Variants in EFCAB14 observed in about 807,000 individuals in gnomAD.
EFCAB14 encodes the protein EF-hand calcium binding domain 14.
In EFCAB14, 43 loss-of-function variants were observed where a neutral mutation model predicts 56.5. That is an observed-to-expected ratio of 0.76 (90% CI 0.60 to 0.98). The LOEUF is 0.98. Ranked by LOEUF, EFCAB14 falls within the 50% of genes least tolerant of loss-of-function variation. The pLI is 0.00. For missense variants in EFCAB14, 538 were observed against 580.3 expected, an observed-to-expected ratio of 0.93 and a Z score of 0.75; for synonymous variants, 235 against 212.9, an observed-to-expected ratio of 1.10 and a Z score of -0.90.
rs374663173 is a variant in EFCAB14 at position 46,678,000 on chromosome 1, T to TTTC, written c.*458_*460dup. ...ACTTTCCACACAATATGCACAATGC[T>TTTC]TTCTTTCATTTAAATATTTACAAAC... is the stretch of plus-strand genomic sequence containing the variant. On this transcript the variant is annotated 3_prime_UTR_variant, in exon 11 of 11. Transcript: ENST00000371933. 4.6e-3 allele frequency: 708 copies of TTTC among 155,000 alleles called. 6 individuals carry two copies. The highest frequency in any genetic ancestry group is 0.016 in the African/African-American group (682 of 41,606). The allele number at this position is 155,000 out of a possible 1,614,324, so 9.6% of individuals were successfully genotyped here. A position where few individuals can be genotyped will look rare whatever the true frequency, so the allele number is the denominator to read the frequency against.
At chr1:46,714,315 A>G (rs934552111) in intron 2 of EFCAB14, among the ~76,000 whole-genome samples, 6 of 152,148 alleles carry the variant, frequency 3.9e-5, no homozygotes, top group African/African-American at 1.2e-4. Context: ...CCTTGTGGTC[A>G]GTTTCCTGGT....
At chr1:46,703,760 C>G (rs1162702123) in intron 3 of EFCAB14, among the ~76,000 whole-genome samples, 2 of 152,180 alleles carry the variant, frequency 1.3e-5, no homozygotes, top group African/African-American at 4.8e-5. Context: ...AAGAAGGCAG[C>G]ATGTCACCTT....
rs11809409 is a variant in EFCAB14, at chr1:46,709,975, C to T, written c.335-1924G>A. ...CGCACTCCAGCCTGTGCGGCCGGAG[C>T]GAGACTCCATCTCAAAAACAAACAA... On this transcript the variant is annotated intron_variant, in intron 2 of 10. Transcript: ENST00000371933. Among the ~76,000 whole-genome samples the T allele has an allele frequency of 5.9e-3, 896 of 152,032 alleles. 5 individuals are homozygous for T. Among genetic ancestry groups the T allele is most frequent in the African/African-American group, 0.021 (861 of 41,474 alleles).
At position 46,676,616 on chromosome 1, in the gene EFCAB14, G is replaced by A. The variant is rs1008865054; in HGVS notation, c.*1845C>T. 2.0e-5 allele frequency: 3 copies of A among 152,512 alleles called. No individual in the cohort carries two copies. The highest frequency in any genetic ancestry group is 7.2e-5 in the African/African-American group (3 of 41,406). 9.4% of individuals were successfully genotyped at this position (152,512 alleles called of 1,614,324 possible). A position where few individuals can be genotyped will look rare whatever the true frequency, so the allele number is the denominator to read the frequency against. ...TTTGGTTGTTAGAAAATCTGTAAGG[G>A]TGTATATATATTAAAAAAAGGTGTG... On this transcript the variant is annotated 3_prime_UTR_variant, in exon 11 of 11. Transcript: ENST00000371933.
chr1:46,688,362 G>C lies in EFCAB14; in HGVS notation c.978C>G (p.Ser326=). 1 of 1,613,656 alleles carries C rather than the reference G, an allele frequency of 6.2e-7. No homozygotes were observed. The highest frequency in any genetic ancestry group is 2.2e-5 in the East Asian group (1 of 44,874). The change falls in exon 7 of 11, where the codon TCC becomes TCG. Residue 326 remains serine, a synonymous_variant. Transcript: ENST00000371933. ...ATCAGAAAAGGCTTACCATGCTGAA[G>C]GACAGGTTTGCTTTCTTTTCTACCT... is the stretch of plus-strand genomic sequence containing the variant. ...MSKVEKKANL[S]FSMMGDRSAT...
At chr1:46,686,924 T>C in intron 7 of EFCAB14, 54 bp from the exon 8 acceptor site, 18 of 1,549,362 alleles carry the variant, frequency 1.2e-5, no homozygotes, top group Non-Finnish European at 1.6e-5. Context: ...AGGCAAACAT[T>C]AAAACTTGAA....
chr1:46,700,950 G>A (rs960298098), intron 3 of EFCAB14, among the ~76,000 whole-genome samples: 3 of 145,524 alleles, frequency 2.1e-5, no homozygotes, highest in Admixed American at 7.2e-5. Flanking sequence ...GACACCTATG[G>A]GGGCATGAGA....
intron 5 of EFCAB14, among the ~76,000 whole-genome samples, chr1:46,690,802 T>C (rs781328844): frequency 6.7e-6 from 1 of 149,796 alleles, no homozygotes; most frequent in Non-Finnish European, 1.5e-5. Context: ...CTGAAGAAAA[T>C]GGAAAAAAAC....
rs1676886813 is a variant in EFCAB14, at chr1:46,686,662, T to C, written c.1074+122A>G. On this transcript the variant is annotated intron_variant, in intron 8 of 10. Transcript: ENST00000371933. ...CTAACATACTAATTTACTAATTGCTTTGTTTTGAAGTTTCAGCACATGAGA... is the reference window on the plus strand; with the variant it reads ...CTAACATACTAATTTACTAATTGCTCTGTTTTGAAGTTTCAGCACATGAGA... 7.3e-6 allele frequency: 7 copies of C among 957,900 alleles called. No homozygotes were observed. The East Asian group carries it at 7.9e-5, about 11-fold the overall frequency. The allele number at this position is 957,900 out of a possible 1,614,324, so 59.3% of individuals were successfully genotyped here. A position where few individuals can be genotyped will look rare whatever the true frequency, so the allele number is the denominator to read the frequency against.
chr1:46,705,864 C>CT (rs1362308048), intron 3 of EFCAB14, among the ~76,000 whole-genome samples: 3 of 150,692 alleles, frequency 2.0e-5, no homozygotes, highest in Admixed American at 1.3e-4. Flanking sequence ...AGGAATTTAA[C>CT]TTTTTTTTTC....
intron 5 of EFCAB14, among the ~76,000 whole-genome samples, chr1:46,691,232 T>A (rs1036941794): frequency 2.0e-5 from 3 of 152,146 alleles, no homozygotes; most frequent in African/African-American, 7.2e-5. Flanking sequence ...CAAAGCTTTG[T>A]GGCTTAGAAC....
At chr1:46,685,185 CAA>C (rs990267481) in intron 8 of EFCAB14, 1 of 152,238 alleles carries the variant, frequency 6.6e-6, no homozygotes, top group African/African-American at 2.4e-5. Flanking sequence ...ATTTCTAATT[CAA>C]AGTCTTGCTT....
intron 4 of EFCAB14, among the ~76,000 whole-genome samples, chr1:46,695,219 A>AT (rs1359424718): frequency 2.6e-5 from 4 of 152,160 alleles, no homozygotes; most frequent in Non-Finnish European, 5.9e-5. Flanking sequence ...TTAAAGTGTA[A>AT]TAAAAAAAAG....
chr1:46,696,107 CT>C (rs576354908), intron 4 of EFCAB14, among the ~76,000 whole-genome samples: 2,819 of 139,148 alleles, frequency 0.02, 18 homozygotes, highest in Admixed American at 0.045. Context: ...CCCAGGTCAT[CT>C]TTTTTTTTTT....
chr1:46,683,281 C>T lies in EFCAB14; in HGVS notation c.1312+19G>A. The T allele has an allele frequency of 5.0e-6, 8 of 1,609,074 alleles. No homozygotes were observed. The highest frequency in any genetic ancestry group is 5.9e-6 in the Non-Finnish European group (7 of 1,178,432). Reference sequence around the variant, plus strand: ...TACTTTGAACATTCCCATTACTACCCCGTGGTATAAAAATTTACCTTCAGT... The same window carrying T: ...TACTTTGAACATTCCCATTACTACCTCGTGGTATAAAAATTTACCTTCAGT... On this transcript the variant is annotated intron_variant, in intron 10 of 10. Coordinates refer to ENST00000371933, the MANE Select transcript of EFCAB14 (RefSeq NM_014774.3).
intron 2 of EFCAB14, among the ~76,000 whole-genome samples, chr1:46,712,704 T>A (rs896675935): frequency 6.6e-6 from 1 of 151,840 alleles, no homozygotes; most frequent in Admixed American, 6.6e-5. Context: ...GAAAAAAAAA[T>A]TAACCTTAAA....
intron 4 of EFCAB14, among the ~76,000 whole-genome samples, chr1:46,695,345 C>CTGAT (rs1180496121): frequency 1.3e-5 from 2 of 151,704 alleles, no homozygotes; most frequent in Admixed American, 1.3e-4. Flanking sequence ...AATCTGGCCT[C>CTGAT]ATCAGAGTTG....
At chr1:46,713,397 A>G (rs1346831369) in intron 2 of EFCAB14, among the ~76,000 whole-genome samples, 2 of 152,208 alleles carry the variant, frequency 1.3e-5, no homozygotes, top group South Asian at 2.1e-4. Context: ...AGTCCAGGGT[A>G]TAATTCTTGA....
At chr1:46,684,160 G>C in intron 9 of EFCAB14, 1 of 218,342 alleles carries the variant, frequency 4.6e-6, no homozygotes, top group South Asian at 1.2e-4. Context: ...TGCACTTACA[G>C]AAAGGAAAAG....
Sources: gnomAD v4.1 joint callset for allele counts (sites outside exome capture counted in the v4.1 genomes callset) on GRCh38, gnomAD v4.1.1 for gene constraint, MANE v1.5 for transcripts, NCBI Gene and HGNC (gene_info 2026-07-23, HGNC 2026-07-21) for gene names.